The following RUNX1T1 variants were observed in gnomAD, a reference collection of about 807,000 sequenced individuals.
The protein encoded by RUNX1T1 is RUNX1 partner transcriptional co-repressor 1.
In RUNX1T1, 4 loss-of-function variants were observed where a neutral mutation model predicts 62.8. The observed-to-expected ratio is 0.06, with a 90% CI of 0.03 to 0.15. The LOEUF (loss-of-function observed/expected upper bound fraction) is 0.15. Ranked by LOEUF, RUNX1T1 falls within the 10% of genes least tolerant of loss-of-function variation. The pLI is 1.00. For missense variants in RUNX1T1, 508 were observed against 754.3 expected, an observed-to-expected ratio of 0.67 and a Z score of 3.82; for synonymous variants, 291 against 286.0, an observed-to-expected ratio of 1.02 and a Z score of -0.18.
intron 1 of RUNX1T1, among the ~76,000 whole-genome samples, chr8:92,099,188 T>C (rs1837927790): frequency 1.3e-5 from 2 of 152,198 alleles, no homozygotes; most frequent in African/African-American, 4.8e-5. Context: ...TTTTCTTGAA[T>C]TTAGAAAAAG....
intron 5 of RUNX1T1, among the ~76,000 whole-genome samples, 190 bp from the exon 7 acceptor site, chr8:91,992,079 T>C (rs1817789598): frequency 6.6e-6 from 1 of 152,184 alleles, no homozygotes; most frequent in South Asian, 2.1e-4. Context: ...ATCACAAGCC[T>C]GCAGACAGGA....
At chr8:92,022,873 T>C (rs1824390753) in intron 1 of RUNX1T1, among the ~76,000 whole-genome samples, 2 of 152,226 alleles carry the variant, frequency 1.3e-5, no homozygotes, top group Non-Finnish European at 2.9e-5. Flanking sequence ...GAATAAAATA[T>C]AAGCTCTTTA....
intron 1 of RUNX1T1, among the ~76,000 whole-genome samples, chr8:92,046,577 T>G (rs1291940269): frequency 6.6e-6 from 1 of 152,060 alleles, no homozygotes; most frequent in East Asian, 1.9e-4. Flanking sequence ...TTGGCCAGGC[T>G]GGTCTCAAAC....
chr8:91,963,146 C>A (rs948515953), intron 10 of RUNX1T1, among the ~76,000 whole-genome samples: 6 of 152,126 alleles, frequency 3.9e-5, no homozygotes, highest in Admixed American at 3.9e-4. Flanking sequence ...TGTTTTGGAT[C>A]GTGAAGCTGC....
chr8:91,981,162 C>T (rs1815156059), intron 8 of RUNX1T1, among the ~76,000 whole-genome samples: 2 of 152,022 alleles, frequency 1.3e-5, no homozygotes, highest in Non-Finnish European at 2.9e-5. Flanking sequence ...CTGCCAAAGG[C>T]CACAAAACTA....
chr8:92,038,054 AT>A (rs1174741851), intron 1 of RUNX1T1, among the ~76,000 whole-genome samples: 1 of 151,352 alleles, frequency 6.6e-6, no homozygotes, highest in African/African-American at 2.4e-5. Flanking sequence ...TTCTTTATTT[AT>A]TTATTTATTT....
Position 92,069,610 on chromosome 8 carries a change from C to T in RUNX1T1, c.88+6355G>A, listed in dbSNP as rs143122417. On this transcript the variant is annotated intron_variant, in intron 2 of 11. Transcript: ENST00000265814. ...TGAATTCTATTACAAATGTTCACTCCAAAACTGCTCTATTTGTTCAAATAA... is the reference window on the plus strand; with the variant it reads ...TGAATTCTATTACAAATGTTCACTCTAAAACTGCTCTATTTGTTCAAATAA... 8.5e-5 allele frequency among the ~76,000 whole-genome samples: 13 copies of T among 152,190 alleles called. 1 individual carries two copies. The highest frequency in any genetic ancestry group is 2.0e-4 in the Admixed American group (3 of 15,294).
intron 2 of RUNX1T1, among the ~76,000 whole-genome samples, chr8:92,074,963 A>G (rs1209455165): frequency 6.6e-6 from 1 of 151,308 alleles, no homozygotes; most frequent in Non-Finnish European, 1.5e-5. Flanking sequence ...GTCTTTCAAG[A>G]AAAAAAAACA....
At chr8:92,075,922 A>G (rs781250681) in intron 2 of RUNX1T1, 43 bp downstream of exon 2, 67 of 1,525,964 alleles carry the variant, frequency 4.4e-5, no homozygotes, top group Admixed American at 5.8e-5. Flanking sequence ...TTTTTCTGGT[A>G]CGTAAGTAAA....
intron 5 of RUNX1T1, chr8:92,003,312 T>C (rs1449262931): frequency 2.2e-6 from 1 of 456,132 alleles, no homozygotes; most frequent in African/African-American, 2.0e-5. Flanking sequence ...CTTAAGACTG[T>C]GCAAGGATAG....
At chr8:91,984,835 G>T (rs1161919490) in intron 8 of RUNX1T1, among the ~76,000 whole-genome samples, 1 of 152,036 alleles carries the variant, frequency 6.6e-6, no homozygotes, top group Non-Finnish European at 1.5e-5. Flanking sequence ...TGTTTTCGTT[G>T]CTTGCCTTAA....
intron 2 of RUNX1T1, 140 bp from the exon 4 acceptor site, chr8:92,014,960 C>A (rs1822706217): frequency 1.2e-6 from 1 of 809,110 alleles, no homozygotes; most frequent in Non-Finnish European, 1.9e-6. Context: ...AATGCTTGGA[C>A]TTCACAGGGT....
chr8:92,096,047 CCTTT>C (rs1272580105), intron 1 of RUNX1T1, among the ~76,000 whole-genome samples: 1 of 152,182 alleles, frequency 6.6e-6, no homozygotes, highest in East Asian at 1.9e-4. Flanking sequence ...AGTTCTTGTC[CCTTT>C]CTTTGCTAAC....
At chr8:92,066,571 C>T (rs1441781766), upstream of RUNX1T1, among the ~76,000 whole-genome samples, 2 of 152,164 alleles carry the variant, frequency 1.3e-5, no homozygotes, top group Admixed American at 6.5e-5. Context: ...ATGGACCTCT[C>T]TTTTGGATGA....
intron 4 of RUNX1T1, chr8:92,010,638 A>G (rs985122632): frequency 5.0e-5 from 8 of 161,590 alleles, no homozygotes; most frequent in African/African-American, 1.9e-4. Flanking sequence ...GTTGTTACAA[A>G]GATAAAATTA....
chr8:92,031,059 A>G (rs1826124288), intron 1 of RUNX1T1, among the ~76,000 whole-genome samples: 1 of 152,344 alleles, frequency 6.6e-6, no homozygotes, highest in African/African-American at 2.4e-5. Flanking sequence ...CTCTGGGCAT[A>G]GCATTATTTT....
At chr8:91,969,859 T>A (rs1388223268) in intron 10 of RUNX1T1, among the ~76,000 whole-genome samples, 3 of 152,186 alleles carry the variant, frequency 2.0e-5, no homozygotes, top group Non-Finnish European at 1.5e-5. Context: ...CCCATTGTAG[T>A]CCTTTATCTA....
chr8:92,064,155 C>G (rs1832512298), upstream of RUNX1T1, among the ~76,000 whole-genome samples: 2 of 152,152 alleles, frequency 1.3e-5, no homozygotes, highest in Admixed American at 1.3e-4. Context: ...TCAAAGCATA[C>G]CCACACACAC....
At chr8:92,022,362 T>C (rs542717612) in intron 1 of RUNX1T1, among the ~76,000 whole-genome samples, 32 of 152,282 alleles carry the variant, frequency 2.1e-4, no homozygotes, top group South Asian at 6.2e-4. Flanking sequence ...AACTAACTTA[T>C]ATAGAATGAC....
Sources: allele counts gnomAD v4.1 joint callset (sites outside exome capture counted in the v4.1 genomes callset), GRCh38; gene constraint gnomAD v4.1.1; transcripts MANE v1.5; gene names NCBI Gene and HGNC (gene_info 2026-07-23, HGNC 2026-07-21).